TMEM217: variants seen among roughly 807,000 people sequenced by gnomAD.
The protein encoded by TMEM217 is transmembrane protein 217.
For synonymous variants in TMEM217, 76 were observed against 88.3 expected, an observed-to-expected ratio of 0.86 and a Z score of 0.78; for missense variants, 204 against 248.8, an observed-to-expected ratio of 0.82 and a Z score of 1.21.
intron 1 of TMEM217, among the ~76,000 whole-genome samples, chr6:37,220,862 T>C (rs1038077672): frequency 2.0e-5 from 3 of 152,152 alleles, no homozygotes; most frequent in African/African-American, 4.8e-5. Flanking sequence ...CAAACAACTA[T>C]GATTACTATA....
intron 1 of TMEM217, among the ~76,000 whole-genome samples, chr6:37,231,226 A>ATTTTTTTTTT (rs35394043): frequency 1.1e-5 from 1 of 87,448 alleles, no homozygotes; most frequent in Non-Finnish European, 2.2e-5. Flanking sequence ...TGCCTGGCTA[A>ATTTTTTTTTT]TTTTTTTTTT....
At chr6:37,252,607 GTATGTGTGTGTATATA>G (rs1440298202) in intron 1 of TMEM217, among the ~76,000 whole-genome samples, 12 of 35,864 alleles carry the variant, frequency 3.3e-4, no homozygotes, top group Admixed American at 1.9e-3. Context: ...GTGTGTGTGT[GTATGTGTGTGTATATA>G]TATATATATA....
intron 1 of TMEM217, among the ~76,000 whole-genome samples, chr6:37,241,601 T>C (rs1764773115): frequency 1.3e-5 from 2 of 152,210 alleles, no homozygotes; most frequent in African/African-American, 4.8e-5. Flanking sequence ...ACAGGTTTTC[T>C]GTTCCAGGTT....
chr6:37,215,173 T>C, downstream of TMEM217: 7 of 1,611,332 alleles, frequency 4.3e-6, no homozygotes, highest in Non-Finnish European at 5.9e-6. Flanking sequence ...GGTCCTCTGG[T>C]ACATTCTATT....
At chr6:37,218,797 G>C in exon 2 of TMEM217, 1 of 1,614,214 alleles carries the variant, frequency 6.2e-7, no homozygotes, top group Non-Finnish European at 8.5e-7. Flanking sequence ...GGAAGCAGCT[G>C]ATGAGGATGG....
intron 1 of TMEM217, among the ~76,000 whole-genome samples, chr6:37,223,146 A>G (rs1763634921): frequency 1.3e-5 from 2 of 152,182 alleles, no homozygotes; most frequent in African/African-American, 4.8e-5. Context: ...GAAAGACATA[A>G]TAAGATGTTC....
intron 1 of TMEM217, among the ~76,000 whole-genome samples, chr6:37,228,008 C>A (rs1376068148): frequency 6.6e-6 from 1 of 152,066 alleles, no homozygotes; most frequent in African/African-American, 2.4e-5. Flanking sequence ...TTTGCTCTAT[C>A]AAGTGAGATA....
At chr6:37,237,447 CA>C (rs1413818470) in intron 1 of TMEM217, among the ~76,000 whole-genome samples, 3 of 152,180 alleles carry the variant, frequency 2.0e-5, no homozygotes, top group Non-Finnish European at 4.4e-5. Flanking sequence ...TGACAACACA[CA>C]ACACAAGGCA....
downstream of TMEM217, among the ~76,000 whole-genome samples, chr6:37,217,120 C>G (rs987463522): frequency 6.6e-6 from 1 of 152,170 alleles, no homozygotes; most frequent in African/African-American, 2.4e-5. Context: ...ATGGGGAAAC[C>G]CCGTCTCTAC....
intron 1 of TMEM217, among the ~76,000 whole-genome samples, chr6:37,242,321 C>G (rs530827872): frequency 2.0e-5 from 3 of 152,214 alleles, no homozygotes; most frequent in Non-Finnish European, 4.4e-5. Context: ...TCTATTCCCC[C>G]CAAGGGAAGG....
intron 1 of TMEM217, among the ~76,000 whole-genome samples, chr6:37,222,378 G>A (rs12212132): frequency 0.039 from 5,933 of 152,328 alleles, 175 homozygotes; most frequent in Non-Finnish European, 0.062. Flanking sequence ...CGGGATTGGA[G>A]AGAGGCCAGG....
intron 1 of TMEM217, among the ~76,000 whole-genome samples, chr6:37,220,962 G>T (rs1349089215): frequency 6.6e-6 from 1 of 151,764 alleles, no homozygotes; most frequent in African/African-American, 2.4e-5. Flanking sequence ...ATATATACAA[G>T]ATAAAATTTT....
At chr6:37,217,525 C>T (rs536893564), downstream of TMEM217, 73 of 594,942 alleles carry the variant, frequency 1.2e-4, 1 homozygote, top group East Asian at 1.0e-2. Context: ...CTACAGAGTA[C>T]AGCACAGCAA....
chr6:37,253,067 C>T (rs1224718810), intron 1 of TMEM217, among the ~76,000 whole-genome samples: 1 of 152,180 alleles, frequency 6.6e-6, no homozygotes, highest in Non-Finnish European at 1.5e-5. Context: ...CAATCTTTGA[C>T]AAAACCCATA....
chr6:37,253,892 C>T (rs774825131), intron 1 of TMEM217, among the ~76,000 whole-genome samples: 2 of 152,174 alleles, frequency 1.3e-5, no homozygotes, highest in Non-Finnish European at 2.9e-5. Context: ...TTGGGATATG[C>T]CTACCTCTTT....
downstream of TMEM217, among the ~76,000 whole-genome samples, chr6:37,215,569 T>TAAAAAAAAAAA (rs1763145190): frequency 9.1e-5 from 1 of 11,004 alleles, no homozygotes; most frequent in African/African-American, 5.3e-4. Context: ...AGACTCTGTC[T>TAAAAAAAAAAA]CAAAAAAAAA....
intron 1 of TMEM217, among the ~76,000 whole-genome samples, chr6:37,224,976 C>T (rs973311440): frequency 1.3e-5 from 2 of 150,636 alleles, no homozygotes; most frequent in South Asian, 2.1e-4. Context: ...TACAGGAGTT[C>T]GAAACCAACC....
intron 1 of TMEM217, among the ~76,000 whole-genome samples, chr6:37,243,017 T>G (rs1011508535): frequency 1.3e-5 from 2 of 152,158 alleles, no homozygotes; most frequent in Non-Finnish European, 2.9e-5. Flanking sequence ...GAAAGCAAGT[T>G]TCTGGCAAAG....
At chr6:37,217,897 GT>G in exon 2 of TMEM217, 1 of 985,912 alleles carries the variant, frequency 1.0e-6, no homozygotes, top group Non-Finnish European at 1.2e-6. Context: ...CAATCAGGTG[GT>G]AGAAAGGTGA....
Sources: gnomAD v4.1 joint callset for allele counts (sites outside exome capture counted in the v4.1 genomes callset) on GRCh38, gnomAD v4.1.1 for gene constraint, MANE v1.5 for transcripts, NCBI Gene and HGNC (gene_info 2026-07-23, HGNC 2026-07-21) for gene names.